Variants in ELAPOR2 observed in about 807,000 individuals in gnomAD.
The protein encoded by ELAPOR2 is endosome/lysosome-associated apoptosis and autophagy regulator family member 2.
A neutral mutation model predicts 120.7 loss-of-function variants in ELAPOR2; 89 were observed. The observed-to-expected ratio is 0.74, with a 90% CI of 0.62 to 0.88. The LOEUF is 0.88. Among genes scored for constraint, ELAPOR2 ranks in the 40% least tolerant of loss-of-function variants. The probability of loss-of-function intolerance (pLI) is 0.00; values close to 1 mark genes in which losing one functional copy is unlikely to be tolerated. For missense variants in ELAPOR2, 1,134 were observed against 1,251.6 expected (o/e 0.91, Z 1.42); for synonymous variants, 444 against 444.9 (o/e 1.00, Z 0.03).
At chr7:87,012,262 T>C (rs528866948) in intron 1 of ELAPOR2, among the ~76,000 whole-genome samples, 1 of 152,086 alleles carries the variant, frequency 6.6e-6, no homozygotes, top group South Asian at 2.1e-4. Context: ...ATACAAAAAT[T>C]AGCTGGGCAT....
intron 1 of ELAPOR2, among the ~76,000 whole-genome samples, chr7:87,036,277 C>T (rs1302135556): frequency 6.6e-6 from 1 of 152,114 alleles, no homozygotes; most frequent in East Asian, 1.9e-4. Flanking sequence ...AGTTCAAGAC[C>T]AGCCTGGGCA....
At chr7:86,885,369 G>C (rs1442422655) in intron 21 of ELAPOR2, among the ~76,000 whole-genome samples, 1 of 152,106 alleles carries the variant, frequency 6.6e-6, no homozygotes, top group East Asian at 1.9e-4. Context: ...ATAGGCCTTT[G>C]GGTAGACCAA....
At chr7:87,042,853 A>T (rs1243172615) in intron 1 of ELAPOR2, among the ~76,000 whole-genome samples, 3 of 152,054 alleles carry the variant, frequency 2.0e-5, no homozygotes, top group Non-Finnish European at 2.9e-5. Context: ...ACAAAATTGA[A>T]TGACCACTAG....
At chr7:86,885,926 G>C (rs1799667174) in intron 21 of ELAPOR2, among the ~76,000 whole-genome samples, 1 of 152,086 alleles carries the variant, frequency 6.6e-6, no homozygotes, top group Admixed American at 6.6e-5. Context: ...GTAGAGAAGG[G>C]CCAGTAGGCA....
chr7:86,917,389 C>T (rs1322214633), intron 12 of ELAPOR2, among the ~76,000 whole-genome samples: 1 of 152,072 alleles, frequency 6.6e-6, no homozygotes, highest in Non-Finnish European at 1.5e-5. Flanking sequence ...TGCACTCCAG[C>T]CTGGGCAACA....
intron 1 of ELAPOR2, among the ~76,000 whole-genome samples, chr7:87,005,323 T>A (rs1163581499): frequency 7.2e-6 from 1 of 139,604 alleles, no homozygotes; most frequent in Non-Finnish European, 1.5e-5. Context: ...AAAGTCTGTG[T>A]TTCCTCAATA....
At chr7:86,881,343 C>T (rs972891703) in intron 21 of ELAPOR2, among the ~76,000 whole-genome samples, 3 of 150,446 alleles carry the variant, frequency 2.0e-5, no homozygotes, top group African/African-American at 4.9e-5. Context: ...ACCTCAGATG[C>T]GAGCAAGCAC....
At chr7:86,943,522 G>A (rs897590377) in intron 4 of ELAPOR2, among the ~76,000 whole-genome samples, 7 of 151,894 alleles carry the variant, frequency 4.6e-5, no homozygotes, top group Admixed American at 2.6e-4. Flanking sequence ...ATCAATAGAA[G>A]AAGGAACATG....
At chr7:87,041,253 ATAC>A (rs1208135296) in intron 1 of ELAPOR2, among the ~76,000 whole-genome samples, 1 of 152,050 alleles carries the variant, frequency 6.6e-6, no homozygotes, top group Non-Finnish European at 1.5e-5. Context: ...GATTCAGGAA[ATAC>A]AGAGAACGCC....
chr7:86,945,130 A>T, intron 3 of ELAPOR2, 84 bp from the exon 4 acceptor site: 2 of 1,285,650 alleles, frequency 1.6e-6, no homozygotes, highest in Non-Finnish European at 2.1e-6. Flanking sequence ...CAGATTCACG[A>T]GTAGTTCCAT....
intron 1 of ELAPOR2, among the ~76,000 whole-genome samples, chr7:87,004,990 C>T (rs750324643): frequency 2.0e-5 from 3 of 152,070 alleles, no homozygotes; most frequent in Non-Finnish European, 4.4e-5. Flanking sequence ...GCTTCCTAAT[C>T]CTTTCAAGGA....
At chr7:86,955,343 T>C (rs1213679938) in intron 2 of ELAPOR2, among the ~76,000 whole-genome samples, 2 of 152,116 alleles carry the variant, frequency 1.3e-5, no homozygotes, top group African/African-American at 4.8e-5. Flanking sequence ...GTAAAGCAGA[T>C]TTTTTCCCCT....
chr7:87,038,650 C>A (rs1794662527), intron 1 of ELAPOR2, among the ~76,000 whole-genome samples: 1 of 151,938 alleles, frequency 6.6e-6, no homozygotes, highest in Non-Finnish European at 1.5e-5. Flanking sequence ...GGAAACTATA[C>A]AAATACATGA....
chr7:86,965,148 C>T, intron 1 of ELAPOR2, 124 bp from the exon 2 acceptor site: 1 of 908,930 alleles, frequency 1.1e-6, no homozygotes. Context: ...ATCCCTCCCC[C>T]ATCCCACCCA....
intron 1 of ELAPOR2, among the ~76,000 whole-genome samples, chr7:87,025,458 C>T (rs1190497053): frequency 1.3e-5 from 2 of 151,996 alleles, no homozygotes; most frequent in African/African-American, 2.4e-5. Flanking sequence ...CTTTCTTTGC[C>T]AAATGAGAAG....
chr7:87,041,711 C>A (rs575273860), intron 1 of ELAPOR2, among the ~76,000 whole-genome samples: 30 of 151,578 alleles, frequency 2.0e-4, no homozygotes, highest in African/African-American at 7.3e-4. Context: ...AACTAACGAG[C>A]AAAATAACCA....
At chr7:86,995,310 A>G (rs1793086899) in intron 1 of ELAPOR2, among the ~76,000 whole-genome samples, 1 of 152,218 alleles carries the variant, frequency 6.6e-6, no homozygotes, top group Non-Finnish European at 1.5e-5. Context: ...CAGCCATTCT[A>G]GAGGGACAGA....
chr7:86,891,995 T>A, intron 20 of ELAPOR2, 106 bp from the exon 21 acceptor site: 1 of 718,100 alleles, frequency 1.4e-6, no homozygotes, highest in Non-Finnish European at 2.2e-6. Context: ...TGACTTGGAG[T>A]ATAATTGCTC....
In ELAPOR2 at chr7:87,059,478, C is replaced by T; in HGVS notation, c.36G>A (p.Arg12=). 1 of 1,215,038 alleles carries T rather than the reference C, an allele frequency of 8.2e-7. No homozygotes were observed. The highest frequency in any genetic ancestry group is 1.0e-6 in the Non-Finnish European group (1 of 975,674). The allele number at this position is 1,215,038 out of a possible 1,614,324, so 75.3% of individuals were successfully genotyped here. ...LFRARGPVRG[R]GWGRPAEAPR... ...GAGCCTCCGCCGGCCGCCCCCAGCC[C>T]CTGCCCCGTACCGGCCCCCGGGCGC... The change falls in exon 1 of 22, where the codon AGG becomes AGA. Residue 12 remains arginine, a synonymous_variant. Coordinates refer to ENST00000450689, the MANE Select transcript of ELAPOR2 (RefSeq NM_001142749.3).
Sources: gnomAD v4.1 joint callset for allele counts (sites outside exome capture counted in the v4.1 genomes callset) on GRCh38, gnomAD v4.1.1 for gene constraint, MANE v1.5 for transcripts, NCBI Gene and HGNC (gene_info 2026-07-23, HGNC 2026-07-21) for gene names.